ZFHX3: variants seen among roughly 807,000 people sequenced by gnomAD.
The protein encoded by ZFHX3 is zinc finger homeobox 3, also known as zinc finger homeobox protein 3.
Under a neutral mutation model 279.1 loss-of-function variants are expected in ZFHX3, and 42 were observed. The ratio of observed to expected loss-of-function variants is 0.15; its 90% CI spans 0.12 to 0.19. ZFHX3 has a LOEUF of 0.19. Among genes scored for constraint, ZFHX3 ranks in the 10% least tolerant of loss-of-function variants. The probability of loss-of-function intolerance (pLI) is 1.00; values close to 1 mark genes in which losing one functional copy is unlikely to be tolerated. For missense variants in ZFHX3, 4,981 were observed against 4,754.0 expected (o/e 1.05, Z -1.40); for synonymous variants, 2,293 against 1,957.8 (o/e 1.17, Z -4.52).
At chr16:73,521,018 A>T (rs1488736816) in intron 2 of ZFHX3, among the ~76,000 whole-genome samples, 1 of 152,248 alleles carries the variant, frequency 6.6e-6, no homozygotes, top group Admixed American at 6.5e-5. Flanking sequence ...TCAGAATTCC[A>T]GAATCCTGGA....
At chr16:73,140,801 C>A (rs1436630405) in intron 6 of ZFHX3, among the ~76,000 whole-genome samples, 1 of 152,156 alleles carries the variant, frequency 6.6e-6, no homozygotes, top group African/African-American at 2.4e-5. Flanking sequence ...TTGCAGTGAG[C>A]TGATTGTGCC....
rs1738074297 is a variant in ZFHX3 at position 72,785,404 on chromosome 16, T to G, written c.*1760A>C. The G allele has an allele frequency of 6.6e-6, 1 of 152,638 alleles. No homozygotes were observed. The highest frequency in any genetic ancestry group is 2.4e-5 in the African/African-American group (1 of 41,452). The allele number at this position is 152,638 out of a possible 1,614,324, so 9.5% of individuals were successfully genotyped here. A position where few individuals can be genotyped will look rare whatever the true frequency, so the allele number is the denominator to read the frequency against. On this transcript the variant is annotated 3_prime_UTR_variant, in exon 10 of 10. Transcript: ENST00000268489. ...ACTGCCTAACACAAGGACAAAACTT[T>G]GAAGTAAAAAATGTGTCTTTTGGTA...
chr16:73,790,296 A>G (rs989735016), intron 1 of ZFHX3, among the ~76,000 whole-genome samples: 3 of 151,258 alleles, frequency 2.0e-5, no homozygotes, highest in Admixed American at 1.3e-4. Context: ...GGAAACCGTC[A>G]TTATAGAGAA....
intron 4 of ZFHX3, among the ~76,000 whole-genome samples, chr16:73,311,431 C>G (rs2015322599): frequency 8.4e-6 from 1 of 119,136 alleles, no homozygotes; most frequent in Non-Finnish European, 1.7e-5. Context: ...CTTGTCTCTA[C>G]TAAAAATACA....
intron 2 of ZFHX3, among the ~76,000 whole-genome samples, chr16:73,556,445 T>C (rs1466063888): frequency 1.3e-5 from 2 of 152,198 alleles, no homozygotes; most frequent in South Asian, 2.1e-4. Context: ...AAAGAGGCAG[T>C]CAGAGAGCTG....
chr16:73,376,353 G>C (rs555726602), intron 3 of ZFHX3, among the ~76,000 whole-genome samples: 13 of 152,266 alleles, frequency 8.5e-5, no homozygotes, highest in African/African-American at 2.4e-4. Flanking sequence ...TGTAGAAAAT[G>C]CTTGCAAAAT....
intron 2 of ZFHX3, among the ~76,000 whole-genome samples, chr16:73,617,728 T>TA (rs1391710090): frequency 1.3e-5 from 2 of 152,206 alleles, no homozygotes; most frequent in African/African-American, 2.4e-5. Flanking sequence ...AACTGTGTTA[T>TA]AAAAAAGTAT....
intron 3 of ZFHX3, among the ~76,000 whole-genome samples, chr16:72,948,758 C>T (rs762080370): frequency 2.0e-5 from 3 of 152,170 alleles, no homozygotes; most frequent in Non-Finnish European, 4.4e-5. Context: ...ATGGCCACGC[C>T]GAGTCCTTTG....
intron 4 of ZFHX3, among the ~76,000 whole-genome samples, chr16:72,854,820 C>T (rs1190483387): frequency 1.3e-5 from 2 of 151,678 alleles, no homozygotes; most frequent in East Asian, 3.9e-4. Flanking sequence ...CTTCTTAACA[C>T]TTAGCTGGGT....
In ZFHX3 at chr16:73,714,738, C is replaced by G. The variant is rs184657890; in HGVS notation, c.-1607-34498G>C. 1.3e-3 allele frequency among the ~76,000 whole-genome samples: 203 copies of G among 152,196 alleles called. 1 individual carries two copies. The highest frequency in any genetic ancestry group is 4.5e-3 in the African/African-American group (187 of 41,514). ...GACTACGATTATTTTTGATGTTTTC[C>G]AAAATATCCACTTCCCCTCCTTTCC... On this transcript the variant is annotated intron_variant, in intron 1 of 17. Transcript: ENST00000641206.
intron 5 of ZFHX3, among the ~76,000 whole-genome samples, chr16:73,145,254 C>G (rs1203628444): frequency 1.3e-5 from 2 of 152,200 alleles, no homozygotes; most frequent in Non-Finnish European, 2.9e-5. Context: ...TTCTCTCAAG[C>G]TGACCAGCAG....
At position 72,957,797 on chromosome 16, in the gene ZFHX3, TGCC is replaced by T. The variant is rs757316139; in HGVS notation, c.2346_2348del (p.Ala784del). 7.5e-6 allele frequency: 12 copies of T among 1,607,576 alleles called. No individual in the cohort carries two copies. The highest frequency in any genetic ancestry group is 8.5e-6 in the Non-Finnish European group (10 of 1,177,344). On this transcript the variant is annotated inframe_deletion, in exon 2 of 10. Coordinates refer to ENST00000268489, the MANE Select transcript of ZFHX3 (RefSeq NM_006885.4). ...CCCCGCAGGAGCTACTGATATTGGC[TGCC>T]GCCGCCGCCGCAGCCACCGCCGCCG... is the stretch of plus-strand genomic sequence containing the variant.
intron 1 of ZFHX3, among the ~76,000 whole-genome samples, chr16:73,814,897 C>T (rs1377032765): frequency 6.6e-6 from 1 of 152,116 alleles, no homozygotes; most frequent in Non-Finnish European, 1.5e-5. Context: ...AAGTAAAGCT[C>T]TCATCCCACA....
intron 2 of ZFHX3, among the ~76,000 whole-genome samples, chr16:73,534,637 T>A (rs1466982182): frequency 6.6e-6 from 1 of 152,206 alleles, no homozygotes; most frequent in Non-Finnish European, 1.5e-5. Context: ...TTGGTTTGAA[T>A]GATAGGTGTT....
At chr16:73,092,865 A>G (rs1363664166) in intron 8 of ZFHX3, 3 of 513,794 alleles carry the variant, frequency 5.8e-6, no homozygotes, top group African/African-American at 1.9e-5. Flanking sequence ...AATAGGGACA[A>G]CAGTAAATCT....
At chr16:73,035,787 C>T (rs569863788) in intron 1 of ZFHX3, among the ~76,000 whole-genome samples, 23 of 152,246 alleles carry the variant, frequency 1.5e-4, no homozygotes, top group South Asian at 1.5e-3. Flanking sequence ...GCTGGTAGTC[C>T]CAGCTACTCG....
intron 2 of ZFHX3, among the ~76,000 whole-genome samples, chr16:73,578,485 T>C (rs1409695766): frequency 6.6e-6 from 1 of 152,176 alleles, no homozygotes; most frequent in Non-Finnish European, 1.5e-5. Context: ...TCAGAGGCTT[T>C]AAAATGCTAA....
At chr16:73,522,009 C>G (rs1168951532) in intron 2 of ZFHX3, among the ~76,000 whole-genome samples, 2 of 152,168 alleles carry the variant, frequency 1.3e-5, no homozygotes, top group African/African-American at 2.4e-5. Context: ...GTTTGCATGG[C>G]AGCCTTGGTT....
chr16:73,092,958 G>A (rs753548121), intron 8 of ZFHX3: 5 of 519,964 alleles, frequency 9.6e-6, no homozygotes, highest in South Asian at 4.2e-5. Context: ...GTATCCCTTC[G>A]TTTATGCTCT....
Sources: allele counts gnomAD v4.1 joint callset (sites outside exome capture counted in the v4.1 genomes callset), GRCh38; gene constraint gnomAD v4.1.1; transcripts MANE v1.5; gene names NCBI Gene and HGNC (gene_info 2026-07-23, HGNC 2026-07-21).